Variants in PTPRO observed in about 807,000 individuals in gnomAD.
PTPRO encodes receptor-type tyrosine-protein phosphatase O.
A neutral mutation model predicts 145.2 loss-of-function variants in PTPRO; 62 were observed. The observed-to-expected ratio is 0.43, with a 90% CI of 0.35 to 0.53. PTPRO has a LOEUF of 0.53. Ranked by LOEUF, PTPRO falls within the 20% of genes least tolerant of loss-of-function variation. The probability of loss-of-function intolerance (pLI) is 0.01; values close to 1 mark genes in which losing one functional copy is unlikely to be tolerated. For missense variants in PTPRO, 1,345 were observed against 1,482.7 expected (o/e 0.91, Z 1.53); for synonymous variants, 565 against 514.7 (o/e 1.10, Z -1.32).
chr12:15,487,786 A>G (rs544357711), intron 2 of PTPRO, among the ~76,000 whole-genome samples: 63 of 152,312 alleles, frequency 4.1e-4, no homozygotes, highest in Middle Eastern at 6.8e-3. Flanking sequence ...TGTCCAACAT[A>G]GTAGTCACTA....
At position 15,499,484 on chromosome 12, in the gene PTPRO, G is replaced by A; in HGVS notation, c.551G>A (p.Gly184Glu). 1 of 1,613,556 alleles carries A rather than the reference G, an allele frequency of 6.2e-7. No individual in the cohort carries two copies. Among genetic ancestry groups the A allele is most frequent in the Non-Finnish European group, 8.5e-7 (1 of 1,179,612 alleles). Residue 184 changes from glycine to glutamate, a missense_variant, in exon 4 of 27, where the codon GGA becomes GAA. Gly to Glu is a moderately conservative substitution (Grantham distance 98). Coordinates refer to ENST00000281171, the MANE Select transcript of PTPRO (RefSeq NM_030667.3). The stretch of plus-strand genomic sequence containing the variant: ...ACAGTATTTAATCACTGGCTGCCAG[G>A]AATGTGTTATAGTAATATCACCTTT... ...GKTVFNHWLP[G>E]MCYSNITFQL...
At chr12:15,485,579 G>A (rs147070319) in intron 2 of PTPRO, among the ~76,000 whole-genome samples, 16 of 152,144 alleles carry the variant, frequency 1.1e-4, no homozygotes, top group African/African-American at 3.6e-4. Flanking sequence ...GGAGAGACCC[G>A]GGGGGAAAAA....
chr12:15,389,066 A>G (rs895991207), intron 1 of PTPRO, among the ~76,000 whole-genome samples: 4 of 151,598 alleles, frequency 2.6e-5, no homozygotes, highest in Admixed American at 1.3e-4. Context: ...TCCAGACTGG[A>G]TGACAGAGCA....
intron 1 of PTPRO, among the ~76,000 whole-genome samples, chr12:15,381,067 C>T (rs1938846837): frequency 6.6e-6 from 1 of 152,180 alleles, no homozygotes; most frequent in South Asian, 2.1e-4. Context: ...CTAGACAGTA[C>T]ATCGCAGGCT....
Position 15,560,181 on chromosome 12 carries a change from T to C in PTPRO, c.2628-12T>C. 6.4e-7 allele frequency: 1 copy of C among 1,554,684 alleles called. No individual in the cohort carries two copies. The highest frequency in any genetic ancestry group is 8.9e-7 in the Non-Finnish European group (1 of 1,126,458). ...TTTCATCTTTCCATCTGTTGTCTAT[T>C]AATGCACACAGGCGTAGGAGTATAT... On this transcript the variant is annotated splice_polypyrimidine_tract_variant and intron_variant, in intron 16 of 26. Coordinates refer to ENST00000281171, the MANE Select transcript of PTPRO (RefSeq NM_030667.3).
chr12:15,484,016 A>G lies in PTPRO; in HGVS notation c.118A>G (p.Ile40Val). The G allele has an allele frequency of 6.2e-7, 1 of 1,613,646 alleles. No homozygotes were observed. The highest frequency in any genetic ancestry group is 8.5e-7 in the Non-Finnish European group (1 of 1,179,576). The change falls in exon 2 of 27, where the codon ATC becomes GTC. Residue 40 changes from isoleucine (I) to valine (V), a missense_variant. By Grantham distance (29) the Ile-to-Val change is conservative (BLOSUM62 3). This residue lies in a region of PTPRO where 1,130 missense variants were observed against 1,214.7 expected (regional missense o/e 0.93). Transcript: ENST00000281171. ...TGTAACTGTCCAAGATGATAATAAC[A>G]TCGTTGTCTCATTAGAAGCTTCAGA... ...FHVTVQDDNN[I>V]VVSLEASDVI...
At chr12:15,563,667 AAT>A (rs1943830905) in intron 17 of PTPRO, among the ~76,000 whole-genome samples, 1 of 152,156 alleles carries the variant, frequency 6.6e-6, no homozygotes, top group Non-Finnish European at 1.5e-5. Context: ...AAAGAAAAAA[AAT>A]GTGTCTCTCC....
chr12:15,432,779 TG>T (rs1940480692), intron 1 of PTPRO, among the ~76,000 whole-genome samples: 1 of 152,240 alleles, frequency 6.6e-6, no homozygotes, highest in Non-Finnish European at 1.5e-5. Flanking sequence ...TTCATATGCT[TG>T]TTGGCCTAAT....
intron 12 of PTPRO, among the ~76,000 whole-genome samples, chr12:15,537,690 T>C (rs554050828): frequency 6.6e-6 from 1 of 152,300 alleles, no homozygotes; most frequent in African/African-American, 2.4e-5. Flanking sequence ...TTGTTTTCTT[T>C]AAGTGAGTGA....
intron 1 of PTPRO, among the ~76,000 whole-genome samples, chr12:15,433,413 G>C (rs1325182554): frequency 2.0e-5 from 3 of 152,136 alleles, no homozygotes; most frequent in Non-Finnish European, 4.4e-5. Context: ...TTGATCTCCT[G>C]ACCTCATGAT....
intron 1 of PTPRO, among the ~76,000 whole-genome samples, chr12:15,444,677 C>A (rs973894902): frequency 6.6e-6 from 1 of 151,350 alleles, no homozygotes; most frequent in Non-Finnish European, 1.5e-5. Context: ...ATAAAGGAGG[C>A]CCCAGAGAGA....
intron 12 of PTPRO, among the ~76,000 whole-genome samples, chr12:15,526,871 G>C (rs1034669455): frequency 2.0e-5 from 3 of 151,898 alleles, no homozygotes; most frequent in African/African-American, 7.3e-5. Flanking sequence ...CATATAAGAA[G>C]TATAAAAATA....
At chr12:15,326,605 C>A (rs570234961) in intron 1 of PTPRO, among the ~76,000 whole-genome samples, 14 of 152,276 alleles carry the variant, frequency 9.2e-5, no homozygotes, top group African/African-American at 3.4e-4. Flanking sequence ...ATCTAAATAT[C>A]CAACTTAAAG....
At chr12:15,545,189 A>G (rs1802078276) in intron 12 of PTPRO, among the ~76,000 whole-genome samples, 1 of 152,052 alleles carries the variant, frequency 6.6e-6, no homozygotes, top group Non-Finnish European at 1.5e-5. Flanking sequence ...GCACCTCTAA[A>G]GGACAGGAGC....
At chr12:15,533,939 C>T (rs991917573) in intron 12 of PTPRO, among the ~76,000 whole-genome samples, 2 of 152,030 alleles carry the variant, frequency 1.3e-5, no homozygotes, top group Non-Finnish European at 2.9e-5. Flanking sequence ...TAGAAAGAAA[C>T]CAAACTACCA....
intron 1 of PTPRO, among the ~76,000 whole-genome samples, chr12:15,427,161 C>G (rs1362795536): frequency 6.6e-6 from 1 of 151,896 alleles, no homozygotes; most frequent in African/African-American, 2.4e-5. Context: ...AAGAATTAGG[C>G]CATTCCTTTT....
chr12:15,506,773 C>G (rs1028584653), intron 6 of PTPRO, among the ~76,000 whole-genome samples: 2 of 152,136 alleles, frequency 1.3e-5, no homozygotes, highest in African/African-American at 2.4e-5. Flanking sequence ...CAGAGCCAAA[C>G]CATATCAGCA....
chr12:15,509,363 G>T (rs115904906), intron 7 of PTPRO, among the ~76,000 whole-genome samples: 15,105 of 137,160 alleles, frequency 0.11, 1,367 homozygotes, highest in African/African-American at 0.26. Flanking sequence ...TAAAAGTAAC[G>T]CATTCTTGCT....
intron 2 of PTPRO, among the ~76,000 whole-genome samples, chr12:15,495,361 A>C (rs1319972258): frequency 6.7e-6 from 1 of 149,768 alleles, no homozygotes; most frequent in African/African-American, 2.5e-5. Flanking sequence ...AACAAAATAA[A>C]ATACATTCAG....
Sources: allele counts gnomAD v4.1 joint callset (sites outside exome capture counted in the v4.1 genomes callset), GRCh38; gene constraint gnomAD v4.1.1; regional missense constraint gnomAD v4.1.1; transcripts MANE v1.5; gene names NCBI Gene and HGNC (gene_info 2026-07-23, HGNC 2026-07-21).